Variants in SHANK2 observed in about 807,000 individuals in gnomAD.
The protein encoded by SHANK2 is SH3 and multiple ankyrin repeat domains protein 2.
A neutral mutation model predicts 133.7 loss-of-function variants in SHANK2; 43 were observed. The ratio of observed to expected loss-of-function variants is 0.32; its 90% CI spans 0.25 to 0.41. The LOEUF is 0.41. SHANK2 is among the 10% of genes least tolerant of loss of function. SHANK2 has a pLI of 1.00. For missense variants in SHANK2, 1,994 were observed against 2,235.8 expected, an observed-to-expected ratio of 0.89 and a Z score of 2.18; for synonymous variants, 1,017 against 952.8, an observed-to-expected ratio of 1.07 and a Z score of -1.24.
intron 11 of SHANK2, chr11:70,864,104 C>T: frequency 6.8e-6 from 2 of 294,242 alleles, no homozygotes; most frequent in South Asian, 3.0e-5. Context: ...GCCCACACAC[C>T]TTGCTTTCTT....
intron 17 of SHANK2, among the ~76,000 whole-genome samples, chr11:70,506,418 G>A (rs1810237257): frequency 6.6e-6 from 1 of 152,226 alleles, no homozygotes; most frequent in Non-Finnish European, 1.5e-5. Context: ...GCAAATGGCA[G>A]GACCTGCTCA....
At chr11:70,908,304 G>C (rs1950138492) in intron 10 of SHANK2, among the ~76,000 whole-genome samples, 1 of 152,118 alleles carries the variant, frequency 6.6e-6, no homozygotes, top group Admixed American at 6.5e-5. Context: ...CCTCACATGG[G>C]CCTCGCTGTT....
chr11:71,114,348 C>T (rs1353707202), intron 4 of SHANK2, among the ~76,000 whole-genome samples: 2 of 152,156 alleles, frequency 1.3e-5, no homozygotes, highest in South Asian at 2.1e-4. Flanking sequence ...CAGCAAAAAC[C>T]GCCCCTGGGT....
At chr11:71,194,339 C>G (rs1953855256) in intron 2 of SHANK2, among the ~76,000 whole-genome samples, 1 of 152,198 alleles carries the variant, frequency 6.6e-6, no homozygotes, top group Non-Finnish European at 1.5e-5. Flanking sequence ...CCGCGTGTGA[C>G]AGCTGAGACC....
intron 14 of SHANK2, among the ~76,000 whole-genome samples, chr11:70,749,698 T>C (rs1303690723): frequency 6.6e-6 from 1 of 151,998 alleles, no homozygotes; most frequent in African/African-American, 2.4e-5. Context: ...ATGTTAAAGT[T>C]GAAAAACACA....
intron 17 of SHANK2, among the ~76,000 whole-genome samples, chr11:70,622,523 C>T (rs1035234022): frequency 5.3e-5 from 8 of 152,224 alleles, no homozygotes; most frequent in African/African-American, 1.9e-4. Context: ...CAGTCCAAGA[C>T]CAAAGCTTCT....
rs1565478687 is a variant in SHANK2, at chr11:71,147,275, CGGA to C, written c.49_51del (p.Ser17del). 1 of 1,550,906 alleles carries C rather than the reference CGGA, an allele frequency of 6.4e-7. No homozygotes were observed. Among genetic ancestry groups the C allele is most frequent in the Admixed American group, 2.0e-5 (1 of 50,974 alleles). ...TCTGACTCCGACCCCACGGAGTAGT[CGGA>C]GAAGCTCTGGGCCATCTCGTCCTCG... On this transcript the variant is annotated inframe_deletion, in exon 3 of 26. Coordinates refer to ENST00000601538, the MANE Select transcript of SHANK2 (RefSeq NM_012309.5).
chr11:70,845,060 G>A (rs527742639), intron 11 of SHANK2, among the ~76,000 whole-genome samples: 22 of 151,894 alleles, frequency 1.4e-4, no homozygotes, highest in East Asian at 9.7e-4. Flanking sequence ...TTAGCCAGGT[G>A]TGGTGGCACA....
rs1953420418 is a variant in SHANK2, at chr11:71,175,555, A to AGG, written c.-12-28218_-12-28217insCC. 5.7e-5 allele frequency among the ~76,000 whole-genome samples: 2 copies of AGG among 35,192 alleles called. No individual in the cohort carries two copies. The highest frequency in any genetic ancestry group is 3.4e-4 in the Admixed American group (1 of 2,918). The allele number at this position is 35,192 out of a possible 152,430, so 23.1% of individuals were successfully genotyped here. A position where few individuals can be genotyped will look rare whatever the true frequency, so the allele number is the denominator to read the frequency against. Reference sequence around the variant, plus strand: ...CAGACAGAGGGAGAGGGAGAGGGAGAGAGAGAGAGAGAGAGAGAGAGAGAG... The same window carrying AGG: ...CAGACAGAGGGAGAGGGAGAGGGAGAGGGAGAGAGAGAGAGAGAGAGAGAGAG... On this transcript the variant is annotated intron_variant, in intron 2 of 25. Coordinates refer to ENST00000601538, the MANE Select transcript of SHANK2 (RefSeq NM_012309.5). The surrounding 1 kb of genome is among the most constrained non-coding windows in gnomAD (Gnocchi z 4.2).
intron 1 of SHANK2, among the ~76,000 whole-genome samples, chr11:71,228,575 T>G (rs1954683420): frequency 6.6e-6 from 1 of 152,148 alleles, no homozygotes; most frequent in Non-Finnish European, 1.5e-5. Context: ...CTGGCCAACA[T>G]GATGAAACCC....
At chr11:71,239,030 G>GA (rs1202881772) in intron 1 of SHANK2, among the ~76,000 whole-genome samples, 1 of 152,234 alleles carries the variant, frequency 6.6e-6, no homozygotes, top group African/African-American at 2.4e-5. Flanking sequence ...CCCAACTCAC[G>GA]GTTTCACAAG....
At chr11:70,838,812 G>A (rs1948861519) in intron 11 of SHANK2, among the ~76,000 whole-genome samples, 1 of 152,082 alleles carries the variant, frequency 6.6e-6, no homozygotes, top group Non-Finnish European at 1.5e-5. Flanking sequence ...GATTTCTATT[G>A]ACTTCCAGTC....
At position 71,058,600 on chromosome 11, in the gene SHANK2, C is replaced by T. The variant is rs1056292158; in HGVS notation, c.1030-2042G>A. On this transcript the variant is annotated intron_variant, in intron 9 of 25. Transcript: ENST00000601538. ...TGCCTCGGCAGCAGGGGCCTGACAC[C>T]GGGCTGGGGGCACCTTCTCCTACAG... Among the ~76,000 whole-genome samples, 776 of 152,324 alleles carry T rather than the reference C, an allele frequency of 5.1e-3. 5 individuals carry two copies. The highest frequency in any genetic ancestry group is 0.017 in the African/African-American group (721 of 41,568).
At chr11:71,125,575 CAG>C (rs1459527051) in intron 3 of SHANK2, among the ~76,000 whole-genome samples, 7 of 152,202 alleles carry the variant, frequency 4.6e-5, no homozygotes, top group Admixed American at 1.3e-4. Context: ...TGGAAACCAG[CAG>C]AGGTTTATTC....
At chr11:70,785,197 C>G (rs1947622175) in intron 14 of SHANK2, among the ~76,000 whole-genome samples, 1 of 152,148 alleles carries the variant, frequency 6.6e-6, no homozygotes, top group South Asian at 2.1e-4. Context: ...GACAGGAGAC[C>G]TGCACACCAC....
At chr11:70,627,157 G>C (rs1046935875) in intron 17 of SHANK2, among the ~76,000 whole-genome samples, 1 of 152,190 alleles carries the variant, frequency 6.6e-6, no homozygotes, top group Non-Finnish European at 1.5e-5. Flanking sequence ...TATTAGAGTT[G>C]TTCCCCAAAA....
intron 14 of SHANK2, among the ~76,000 whole-genome samples, chr11:70,717,076 C>A (rs116642564): frequency 1.3e-5 from 2 of 152,180 alleles, no homozygotes; most frequent in African/African-American, 4.8e-5. Context: ...AGGAGCACAC[C>A]GTCCACTTGG....
At position 70,485,178 on chromosome 11, in the gene SHANK2, A is replaced by G. The variant is rs1214897016; in HGVS notation, c.4979+136T>C. 1.4e-6 allele frequency: 1 copy of G among 720,170 alleles called. No individual in the cohort carries two copies. The highest frequency in any genetic ancestry group is 1.7e-5 in the African/African-American group (1 of 57,418). 44.6% of individuals were successfully genotyped at this position (720,170 alleles called of 1,614,324 possible). A position where few individuals can be genotyped will look rare whatever the true frequency, so the allele number is the denominator to read the frequency against. ...GCATGAGAAAAAGAAGTGTTACTGC[A>G]TTAACAGACGTGGCCCACACAGGCT... On this transcript the variant is annotated intron_variant, in intron 25 of 25. Coordinates refer to ENST00000601538, the MANE Select transcript of SHANK2 (RefSeq NM_012309.5). The surrounding 1 kb of genome is among the most constrained non-coding windows in gnomAD (Gnocchi z 5.8).
intron 9 of SHANK2, among the ~76,000 whole-genome samples, chr11:71,073,055 G>A (rs1437116623): frequency 2.7e-5 from 4 of 150,680 alleles, no homozygotes; most frequent in African/African-American, 4.9e-5. Flanking sequence ...TTTGTTATGT[G>A]TATTTTACCA....
Sources: allele counts gnomAD v4.1 joint callset (sites outside exome capture counted in the v4.1 genomes callset), GRCh38; gene constraint gnomAD v4.1.1; non-coding constraint Gnocchi (gnomAD v3.1); transcripts MANE v1.5; gene names NCBI Gene and HGNC (gene_info 2026-07-23, HGNC 2026-07-21).